Variants in CHFR observed in about 807,000 individuals in gnomAD.
The protein encoded by CHFR is checkpoint with forkhead and ring finger domains.
In CHFR, 57 loss-of-function variants were observed where a neutral mutation model predicts 87.6. The ratio of observed to expected loss-of-function variants is 0.65; its 90% CI spans 0.53 to 0.81. The LOEUF is 0.81. Ranked by LOEUF, CHFR falls within the 30% of genes least tolerant of loss-of-function variation. The probability of loss-of-function intolerance (pLI) is 0.00; values close to 1 mark genes in which losing one functional copy is unlikely to be tolerated. For missense variants in CHFR, 797 were observed against 865.8 expected, an observed-to-expected ratio of 0.92 and a Z score of 1.00; for synonymous variants, 381 against 359.2, an observed-to-expected ratio of 1.06 and a Z score of -0.69.
At chr12:132,872,485 A>G (rs1566198858) in intron 3 of CHFR, 91 bp from the exon 4 acceptor site, 1 of 791,342 alleles carries the variant, frequency 1.3e-6, no homozygotes, top group East Asian at 2.6e-5. Flanking sequence ...GCAGCTCGAT[A>G]TGACCACTCT....
chr12:132,843,809 C>T (rs3741493), intron 16 of CHFR, among the ~76,000 whole-genome samples: 5,119 of 151,978 alleles, frequency 0.034, 83 homozygotes, highest in East Asian at 0.043. Flanking sequence ...ATTAGCCGGG[C>T]GTGGTGGCGG....
At chr12:132,861,443 G>C (rs370773285) in intron 7 of CHFR, 24 bp downstream of exon 7, 19 of 1,611,278 alleles carry the variant, frequency 1.2e-5, no homozygotes, top group Non-Finnish European at 1.5e-5. Flanking sequence ...AGAGGACTGA[G>C]GACACACACA....
Position 132,837,007 on chromosome 12 carries a change from C to A in CHFR, c.*4547G>T. 2.9e-6 allele frequency: 1 copy of A among 343,022 alleles called. No homozygotes were observed. The highest frequency in any genetic ancestry group is 5.7e-6 in the Non-Finnish European group (1 of 174,874). 21.2% of individuals were successfully genotyped at this position (343,022 alleles called of 1,614,324 possible). ...GCTGGGGGGAAACTAGACTGGCTGG[C>A]GGGGTGGGGGCAGCCCTGCAGGAGC... On this transcript the variant is annotated 3_prime_UTR_variant, in exon 18 of 18. Coordinates refer to ENST00000450056, the MANE Select transcript of CHFR (RefSeq NM_001161346.2).
At position 132,843,057 on chromosome 12, in the gene CHFR, A is replaced by G; in HGVS notation, c.1870T>C (p.Tyr624His). The change falls in exon 17 of 18, where the codon TAC (tyrosine) becomes CAC (histidine). Residue 624 changes from tyrosine to histidine, a missense_variant. Coordinates refer to ENST00000450056, the MANE Select transcript of CHFR (RefSeq NM_001161346.2). ...TGAGTGCGGCAGTTACGGCCCCAGT[A>G]GCAGTCAGGACGGGATGTTACGGCC... ...PVAVTSRPDC[Y>H]WGRNCRTQVK... 4 of 1,613,570 alleles carry G rather than the reference A, an allele frequency of 2.5e-6. No homozygotes were observed. Among genetic ancestry groups the G allele is most frequent in the Non-Finnish European group, 3.4e-6 (4 of 1,179,818 alleles).
chr12:132,847,664 A>T, intron 14 of CHFR: 2 of 1,096,334 alleles, frequency 1.8e-6, no homozygotes, highest in Non-Finnish European at 2.2e-6. Flanking sequence ...CATGTTAAAC[A>T]TATGTAAATC....
chr12:132,886,316 A>G (rs1951892918), intron 2 of CHFR, among the ~76,000 whole-genome samples: 1 of 151,924 alleles, frequency 6.6e-6, no homozygotes, highest in African/African-American at 2.4e-5. Context: ...ATCTCAAAAA[A>G]ACAAACAAAA....
chr12:132,872,036 C>A, intron 4 of CHFR: 1 of 453,214 alleles, frequency 2.2e-6, no homozygotes, highest in Non-Finnish European at 3.9e-6. Flanking sequence ...TTCTCCTTGG[C>A]TGCCATTTTG....
intron 3 of CHFR, 151 bp from the exon 4 acceptor site, chr12:132,872,545 G>A (rs1412796225): frequency 8.3e-6 from 5 of 602,018 alleles, no homozygotes; most frequent in African/African-American, 7.4e-5. Context: ...ACACATCCAC[G>A]CACCCCTCAC....
intron 6 of CHFR, among the ~76,000 whole-genome samples, chr12:132,863,206 T>C (rs1951256769): frequency 6.8e-6 from 1 of 146,842 alleles, no homozygotes; most frequent in Non-Finnish European, 1.5e-5. Context: ...TGACCTCATT[T>C]CTTAAAAAAA....
chr12:132,838,624 GGAA>G lies in CHFR; in HGVS notation c.*2927_*2929del, dbSNP rs939188387. The G allele has an allele frequency of 4.6e-5, 7 of 152,564 alleles. No homozygotes were observed. Among genetic ancestry groups the G allele is most frequent in the African/African-American group, 1.7e-4 (7 of 41,592 alleles). 9.5% of individuals were successfully genotyped at this position (152,564 alleles called of 1,614,324 possible). On this transcript the variant is annotated 3_prime_UTR_variant, in exon 18 of 18. Transcript: ENST00000450056. ...GTCCCAAGGCTGGGCCAAGGAGCCAGGAAGAAGCAGTGGGATCTGCAGCAGCAC... is the reference window on the plus strand; with the variant it reads ...GTCCCAAGGCTGGGCCAAGGAGCCAGGAAGCAGTGGGATCTGCAGCAGCAC...
chr12:132,870,397 C>T (rs922742999), intron 5 of CHFR, among the ~76,000 whole-genome samples: 6 of 141,616 alleles, frequency 4.2e-5, no homozygotes, highest in Admixed American at 3.6e-4. Context: ...CCAGGCGTGA[C>T]GGTGCAACCT....
At chr12:132,851,522 T>G in intron 12 of CHFR, 96 bp downstream of exon 12, 1 of 1,339,976 alleles carries the variant, frequency 7.5e-7, no homozygotes, top group Non-Finnish European at 9.9e-7. Context: ...ACGGCATCCT[T>G]ACTTCACAGG....
chr12:132,843,263 T>C (rs529300705), intron 16 of CHFR, among the ~76,000 whole-genome samples, 180 bp from the exon 17 acceptor site: 1 of 152,012 alleles, frequency 6.6e-6, no homozygotes, highest in Non-Finnish European at 1.5e-5. Flanking sequence ...CATGTTTAAC[T>C]AAAAACCCAA....
chr12:132,860,046 T>C (rs1391430170), intron 7 of CHFR, among the ~76,000 whole-genome samples: 1 of 152,056 alleles, frequency 6.6e-6, no homozygotes, highest in Non-Finnish European at 1.5e-5. Flanking sequence ...TCCTGTCTCT[T>C]AAAAAAATGT....
chr12:132,862,276 G>C (rs1284123404), intron 6 of CHFR: 1 of 254,114 alleles, frequency 3.9e-6, no homozygotes, highest in African/African-American at 2.4e-5. Flanking sequence ...ACTCCCTCTG[G>C]GGAAAAAAAA....
At position 132,834,482 on chromosome 12, in the gene CHFR, G is replaced by C. The variant is rs2136894919; in HGVS notation, c.*7072C>G. 1 of 152,330 alleles carries C rather than the reference G, an allele frequency of 6.6e-6. No individual in the cohort carries two copies. Among genetic ancestry groups the C allele is most frequent in the African/African-American group, 2.4e-5 (1 of 41,562 alleles). 9.4% of individuals were successfully genotyped at this position (152,330 alleles called of 1,614,324 possible). The stretch of plus-strand genomic sequence containing the variant: ...CTAAGAAGTTACCACCAACTTTGCT[G>C]CTTAAACTAGATTTATTCTCTTGCA... On this transcript the variant is annotated 3_prime_UTR_variant, in exon 18 of 18. Transcript: ENST00000450056.
At position 132,837,878 on chromosome 12, in the gene CHFR, T is replaced by A. The variant is rs931449372; in HGVS notation, c.*3676A>T. The A allele has an allele frequency of 6.6e-6, 1 of 152,392 alleles. No individual in the cohort carries two copies. The highest frequency in any genetic ancestry group is 1.5e-5 in the Non-Finnish European group (1 of 68,140). The allele number at this position is 152,392 out of a possible 1,614,324, so 9.4% of individuals were successfully genotyped here. ...GGCGGGCACGGCCGCGGGGACAGCG[T>A]TCTGGTTTCCCCATCAAGCCAGGCT... On this transcript the variant is annotated 3_prime_UTR_variant, in exon 18 of 18. Transcript: ENST00000450056.
rs755374387 is a variant in CHFR, at chr12:132,847,701, G to A, written c.1647+384C>T. The A allele has an allele frequency of 2.7e-4, 300 of 1,110,306 alleles. 1 individual carries two copies. The highest frequency in any genetic ancestry group is 3.0e-4 in the Non-Finnish European group (274 of 905,320). The allele number at this position is 1,110,306 out of a possible 1,614,324, so 68.8% of individuals were successfully genotyped here. A position where few individuals can be genotyped will look rare whatever the true frequency, so the allele number is the denominator to read the frequency against. On this transcript the variant is annotated intron_variant, in intron 14 of 17. Transcript: ENST00000450056. ...TAGAAACCGAGGTAGCTTCCTAGACGTGGGAAGGCAAATGGCCAGAAGAGA... is the reference window on the plus strand; with the variant it reads ...TAGAAACCGAGGTAGCTTCCTAGACATGGGAAGGCAAATGGCCAGAAGAGA...
At chr12:132,847,998 T>A in intron 14 of CHFR, 87 bp downstream of exon 14, 1 of 1,593,030 alleles carries the variant, frequency 6.3e-7, no homozygotes, top group South Asian at 1.1e-5. Context: ...GTAAAACAGA[T>A]AAACACCAAT....
Sources: gnomAD v4.1 joint callset for allele counts (sites outside exome capture counted in the v4.1 genomes callset) on GRCh38, gnomAD v4.1.1 for gene constraint, MANE v1.5 for transcripts, NCBI Gene and HGNC (gene_info 2026-07-23, HGNC 2026-07-21) for gene names.